Variants in IQSEC2 observed in about 807,000 individuals in gnomAD.
The protein encoded by IQSEC2 is IQ motif and SEC7 domain-containing protein 2.
A neutral mutation model predicts 74.6 loss-of-function variants in IQSEC2; 6 were observed. The ratio of observed to expected loss-of-function variants is 0.08; its 90% CI spans 0.04 to 0.16. The LOEUF is 0.16. Among genes scored for constraint, IQSEC2 ranks in the 10% least tolerant of loss-of-function variants. The pLI, the probability that IQSEC2 is intolerant of heterozygous loss-of-function variation, is 1.00. For synonymous variants in IQSEC2, 494 were observed against 544.5 expected (o/e 0.91, Z 1.29); for missense variants, 734 against 1,306.2 (o/e 0.56, Z 6.75).
Position 53,233,606 on chromosome X carries a change from G to T in IQSEC2, c.*613C>A. ...GGCATAGACTGGCTCGAGAGAGGAA[G>T]CACTGCCCCACGTGGGGCCAACACA... On this transcript the variant is annotated 3_prime_UTR_variant, in exon 15 of 15. Transcript: ENST00000642864. The T allele has an allele frequency of 4.4e-6, 1 of 229,664 alleles. No homozygotes were observed. The highest frequency in any genetic ancestry group is 6.9e-5 in the East Asian group (1 of 14,521). The allele number at this position is 229,664 out of a possible 1,213,427, so 18.9% of individuals were successfully genotyped here.
chrX:53,261,186 G>A (rs2074562799), intron 2 of IQSEC2, among the ~76,000 whole-genome samples: 1 of 111,388 alleles, frequency 9.0e-6, no homozygotes, highest in Non-Finnish European at 1.9e-5. Context: ...TCGGGGACAT[G>A]CTGATCACAT....
At chrX:53,285,589 T>C (rs2075017634) in intron 2 of IQSEC2, among the ~76,000 whole-genome samples, 1 of 112,753 alleles carries the variant, frequency 8.9e-6, no homozygotes, top group African/African-American at 3.2e-5. Flanking sequence ...AAGCAATTAT[T>C]ACTATTTGGA....
intron 2 of IQSEC2, among the ~76,000 whole-genome samples, chrX:53,283,597 A>C (rs781915928): frequency 5.0e-4 from 56 of 112,025 alleles, no homozygotes; most frequent in African/African-American, 1.8e-3. Flanking sequence ...AATATCCCTG[A>C]ACCTGGGACC....
At chrX:53,254,982 A>C in intron 3 of IQSEC2, 51 bp from the exon 4 acceptor site, 171 of 1,143,419 alleles carry the variant, frequency 1.5e-4, no homozygotes, top group Non-Finnish European at 1.9e-4. Flanking sequence ...TGGCAGCCTC[A>C]TCTCCCTAGG....
chrX:53,265,332 C>T (rs957557463), intron 2 of IQSEC2, among the ~76,000 whole-genome samples: 7 of 110,485 alleles, frequency 6.3e-5, no homozygotes, highest in Non-Finnish European at 1.1e-4. Context: ...AAAGAAAAGA[C>T]AGGAGAAAAC....
In IQSEC2 at chrX:53,248,094, C is replaced by G; in HGVS notation, c.2582+20G>C. 3 of 1,210,780 alleles carry G rather than the reference C, an allele frequency of 2.5e-6. No individual in the cohort carries two copies. The highest frequency in any genetic ancestry group is 3.4e-6 in the Non-Finnish European group (3 of 894,939). On this transcript the variant is annotated intron_variant, in intron 7 of 14. Coordinates refer to ENST00000642864, the MANE Select transcript of IQSEC2 (RefSeq NM_001111125.3). ...CCCACAGGAGGGAGGGGCAGCTTCG[C>G]GAGTGGGAGGTAGGCACACCTGAAG...
At position 53,255,932 on chromosome X, in the gene IQSEC2, G is replaced by A. The variant is rs1556865052; in HGVS notation, c.867C>T (p.Gly289=). Residue 289 remains glycine (G), a synonymous_variant, in exon 3 of 15, where the codon GGC becomes GGT. Coordinates refer to ENST00000642864, the MANE Select transcript of IQSEC2 (RefSeq NM_001111125.3). ...SHMGGPPAGV[G]LPWAQRARLQ... ...GGCGTGCCCGCTGAGCCCAGGGAAGGCCCACTCCAGCAGGGGGGCCCCCCA... is the reference window on the plus strand; with the variant it reads ...GGCGTGCCCGCTGAGCCCAGGGAAGACCCACTCCAGCAGGGGGGCCCCCCA... The A allele has an allele frequency of 1.6e-5, 19 of 1,202,744 alleles. No individual in the cohort carries two copies. The highest frequency in any genetic ancestry group is 2.1e-5 in the Non-Finnish European group (19 of 890,468).
At chrX:53,314,174 C>T (rs1556878577) in intron 1 of IQSEC2, among the ~76,000 whole-genome samples, 2 of 111,771 alleles carry the variant, frequency 1.8e-5, no homozygotes, top group Non-Finnish European at 3.8e-5. Flanking sequence ...TCATTTCTTA[C>T]TACAGGAGTC....
At chrX:53,243,567 T>A in intron 8 of IQSEC2, 96 bp from the exon 9 acceptor site, 1 of 1,058,085 alleles carries the variant, frequency 9.5e-7, no homozygotes, top group East Asian at 3.5e-5. Context: ...CGGGCCACGA[T>A]AGTCAGGACT....
At chrX:53,299,909 C>T (rs1256138023) in intron 1 of IQSEC2, among the ~76,000 whole-genome samples, 3 of 110,923 alleles carry the variant, frequency 2.7e-5, no homozygotes, top group Non-Finnish European at 3.8e-5. Context: ...TGCCACCACA[C>T]CTAGCCAATC....
At chrX:53,253,869 G>A (rs147701993) in intron 4 of IQSEC2, among the ~76,000 whole-genome samples, 272 of 111,668 alleles carry the variant, frequency 2.4e-3, no homozygotes, top group Non-Finnish European at 4.3e-3. Flanking sequence ...ATACAGCACT[G>A]GCACACAGTA....
intron 2 of IQSEC2, among the ~76,000 whole-genome samples, chrX:53,289,108 T>TA (rs1297341850): frequency 9.4e-6 from 1 of 106,444 alleles, no homozygotes; most frequent in Non-Finnish European, 1.9e-5. Context: ...TCAGTTCCCA[T>TA]AAAAGCCCAG....
At chrX:53,296,654 G>A (rs1187924658) in intron 1 of IQSEC2, among the ~76,000 whole-genome samples, 2 of 110,846 alleles carry the variant, frequency 1.8e-5, no homozygotes, top group Admixed American at 1.9e-4. Context: ...TCTGCCTCCC[G>A]GGTTCAAGCG....
chrX:53,310,059 C>T (rs2075306928), intron 1 of IQSEC2, among the ~76,000 whole-genome samples: 2 of 111,406 alleles, frequency 1.8e-5, no homozygotes, highest in Admixed American at 9.6e-5. Flanking sequence ...GGAGCACCTA[C>T]AGTATCAGGG....
intron 5 of IQSEC2, among the ~76,000 whole-genome samples, chrX:53,249,813 C>A (rs1412856100): frequency 1.8e-5 from 2 of 111,746 alleles, no homozygotes; most frequent in African/African-American, 6.5e-5. Flanking sequence ...CACCCTGCCC[C>A]CAACACCTCT....
chrX:53,251,001 G>A lies in IQSEC2; in HGVS notation c.1575C>T (p.Pro525=). ...DLPLYLDDTV[P]QQSPERLPST... is the part of the protein sequence containing the mutation. ...TGGGCAGTCGCTCAGGGGATTGTTG[G>A]GGAACTGTGTCATCCAGGTAGAGGG... Residue 525 remains proline (P), a synonymous_variant, in exon 5 of 15, where the codon CCC becomes CCT. Coordinates refer to ENST00000642864, the MANE Select transcript of IQSEC2 (RefSeq NM_001111125.3). 1 of 1,212,075 alleles carries A rather than the reference G, an allele frequency of 8.3e-7. No homozygotes were observed. The highest frequency in any genetic ancestry group is 1.1e-6 in the Non-Finnish European group (1 of 895,564).
intron 2 of IQSEC2, among the ~76,000 whole-genome samples, chrX:53,287,905 C>G (rs1212130415): frequency 2.7e-5 from 3 of 111,990 alleles, no homozygotes; most frequent in Non-Finnish European, 5.7e-5. Flanking sequence ...CCTCCTCTCT[C>G]CCACTGTCAA....
intron 1 of IQSEC2, among the ~76,000 whole-genome samples, chrX:53,310,732 A>C (rs2075313186): frequency 9.0e-6 from 1 of 111,416 alleles, no homozygotes; most frequent in Non-Finnish European, 1.9e-5. Flanking sequence ...ACTGCCTCTG[A>C]GCTGCCTCAG....
chrX:53,307,295 C>CTTTTTTTTTTTTTTTT (rs60909741), intron 1 of IQSEC2, among the ~76,000 whole-genome samples: 3 of 55,937 alleles, frequency 5.4e-5, no homozygotes, highest in Non-Finnish European at 1.1e-4. Flanking sequence ...TTCTTTCTTT[C>CTTTTTTTTTTTTTTTT]TTTTTTTTTT....
Sources: gnomAD v4.1 joint callset for allele counts (sites outside exome capture counted in the v4.1 genomes callset) on GRCh38, gnomAD v4.1.1 for gene constraint, MANE v1.5 for transcripts, NCBI Gene and HGNC (gene_info 2026-07-23, HGNC 2026-07-21) for gene names.